ASIC2: variants seen among roughly 807,000 people sequenced by gnomAD.
The protein encoded by ASIC2 is acid-sensing ion channel 2.
In ASIC2, 25 loss-of-function variants were observed where a neutral mutation model predicts 57.3. The observed-to-expected ratio is 0.44, with a 90% confidence interval of 0.32 to 0.61. The LOEUF is 0.61. Among genes scored for constraint, ASIC2 ranks in the 20% least tolerant of loss-of-function variants. ASIC2 has a pLI of 0.06. For missense variants in ASIC2, 641 were observed against 738.1 expected (o/e 0.87, Z 1.52); for synonymous variants, 319 against 307.5 (o/e 1.04, Z -0.39).
At chr17:33,949,338 C>T (rs1436915380) in intron 1 of ASIC2, among the ~76,000 whole-genome samples, 10 of 152,162 alleles carry the variant, frequency 6.6e-5, no homozygotes, top group Non-Finnish European at 1.2e-4. Flanking sequence ...CCTAGCTGTT[C>T]GCTGGCCATA....
chr17:33,511,045 G>A (rs896715575), intron 1 of ASIC2, among the ~76,000 whole-genome samples: 1 of 152,142 alleles, frequency 6.6e-6, no homozygotes, highest in Non-Finnish European at 1.5e-5. Context: ...TTAGTGTAGC[G>A]AACATGCTTT....
At chr17:33,830,802 T>C (rs559550846) in intron 1 of ASIC2, among the ~76,000 whole-genome samples, 3 of 151,670 alleles carry the variant, frequency 2.0e-5, no homozygotes, top group East Asian at 3.9e-4. Context: ...CTTATGGGAG[T>C]TATATTTACA....
At chr17:33,390,753 C>T (rs1473923491) in intron 1 of ASIC2, among the ~76,000 whole-genome samples, 7 of 152,214 alleles carry the variant, frequency 4.6e-5, no homozygotes, top group African/African-American at 1.2e-4. Flanking sequence ...TGCGTCAGAG[C>T]GCACGGGACA....
chr17:33,305,388 A>G lies in ASIC2; in HGVS notation c.556-193321T>C, dbSNP rs1207517702. Reference sequence around the variant, plus strand: ...CATGGAGCCTACTTACTCTTACTTTATGCACGATCATGATAACATGCTTGG... The same window carrying G: ...CATGGAGCCTACTTACTCTTACTTTGTGCACGATCATGATAACATGCTTGG... On this transcript the variant is annotated intron_variant, in intron 1 of 9. Coordinates refer to the ASIC2 transcript ENST00000359872. 2.0e-5 allele frequency among the ~76,000 whole-genome samples: 3 copies of G among 152,336 alleles called. No individual in the cohort carries two copies. In the East Asian group the frequency reaches 5.8e-4, roughly 29 times the overall value.
chr17:33,821,011 T>A (rs1912730282), intron 1 of ASIC2, among the ~76,000 whole-genome samples: 1 of 152,250 alleles, frequency 6.6e-6, no homozygotes, highest in Admixed American at 6.5e-5. Context: ...TGCCGGGAGT[T>A]CTGCATTGGG....
chr17:34,099,134 GAGAGAGAGAGAC>G (rs1458125161), intron 1 of ASIC2, among the ~76,000 whole-genome samples: 85 of 26,004 alleles, frequency 3.3e-3, no homozygotes, highest in African/African-American at 7.6e-3. Flanking sequence ...GAGAGAGAGA[GAGAGAGAGAGAC>G]AGAGAGAGAG....
intron 1 of ASIC2, among the ~76,000 whole-genome samples, chr17:33,785,789 G>A (rs1273541459): frequency 6.6e-6 from 1 of 152,128 alleles, no homozygotes; most frequent in Non-Finnish European, 1.5e-5. Flanking sequence ...AAATTGCAGG[G>A]GCCAGAGAGA....
intron 1 of ASIC2, among the ~76,000 whole-genome samples, chr17:33,701,930 T>A (rs1908713785): frequency 6.6e-6 from 1 of 152,224 alleles, no homozygotes; most frequent in Admixed American, 6.5e-5. Context: ...ATGGACAATT[T>A]GTCTAAGTGA....
intron 1 of ASIC2, among the ~76,000 whole-genome samples, chr17:33,917,140 C>T: frequency 6.6e-6 from 1 of 152,180 alleles, no homozygotes; most frequent in East Asian, 1.9e-4. Flanking sequence ...GTTCTTCTTC[C>T]TCCCCACAAA....
At chr17:33,853,872 G>C (rs1430160616) in intron 1 of ASIC2, among the ~76,000 whole-genome samples, 1 of 152,166 alleles carries the variant, frequency 6.6e-6, no homozygotes, top group Non-Finnish European at 1.5e-5. Context: ...TGTACCAACA[G>C]GTAGACGCTT....
At chr17:33,832,213 C>G (rs1053955612) in intron 1 of ASIC2, among the ~76,000 whole-genome samples, 2 of 152,142 alleles carry the variant, frequency 1.3e-5, no homozygotes, top group African/African-American at 4.8e-5. Context: ...TAAGTGTTGG[C>G]CTAGATAGAC....
At chr17:33,307,958 G>T (rs375634943) in intron 1 of ASIC2, among the ~76,000 whole-genome samples, 1 of 152,160 alleles carries the variant, frequency 6.6e-6, no homozygotes, top group Non-Finnish European at 1.5e-5. Flanking sequence ...ATTGTGCAAC[G>T]GTTGTTAGCT....
intron 1 of ASIC2, among the ~76,000 whole-genome samples, chr17:33,905,599 T>C (rs1206418576): frequency 6.6e-6 from 1 of 152,128 alleles, no homozygotes; most frequent in African/African-American, 2.4e-5. Context: ...GAGAGTAAAA[T>C]GCTAATATGG....
intron 1 of ASIC2, among the ~76,000 whole-genome samples, chr17:33,463,909 G>A (rs910577555): frequency 1.3e-5 from 2 of 152,206 alleles, no homozygotes; most frequent in African/African-American, 4.8e-5. Context: ...CTGGCACATA[G>A]GAGGGGCTTG....
chr17:33,802,369 C>T (rs1319869123), intron 1 of ASIC2, among the ~76,000 whole-genome samples: 2 of 152,150 alleles, frequency 1.3e-5, no homozygotes, highest in East Asian at 1.9e-4. Flanking sequence ...GTGATGAAAT[C>T]GCCCAATGAT....
intron 1 of ASIC2, among the ~76,000 whole-genome samples, chr17:33,826,168 A>G (rs1174819191): frequency 6.6e-6 from 1 of 152,238 alleles, no homozygotes; most frequent in African/African-American, 2.4e-5. Flanking sequence ...GATGGATACA[A>G]TACAGTTTCA....
At chr17:33,934,405 C>T (rs1400043911) in intron 1 of ASIC2, among the ~76,000 whole-genome samples, 1 of 152,122 alleles carries the variant, frequency 6.6e-6, no homozygotes, top group African/African-American at 2.4e-5. Flanking sequence ...TGATGCCACA[C>T]CTTGAGGATA....
intron 1 of ASIC2, among the ~76,000 whole-genome samples, chr17:33,528,793 T>G (rs1254573798): frequency 1.3e-5 from 2 of 152,248 alleles, no homozygotes; most frequent in Non-Finnish European, 2.9e-5. Context: ...GCTTTTCCCC[T>G]GTGCCTTCAG....
At chr17:33,682,060 CTTTTTTTTT>C (rs58085265) in intron 1 of ASIC2, among the ~76,000 whole-genome samples, 2 of 122,806 alleles carry the variant, frequency 1.6e-5, no homozygotes, top group Non-Finnish European at 3.3e-5. Context: ...TCAGTGACAT[CTTTTTTTTT>C]TTTTTTTTGA....
Sources: gnomAD v4.1 joint callset for allele counts (sites outside exome capture counted in the v4.1 genomes callset) on GRCh38, gnomAD v4.1.1 for gene constraint, MANE v1.5 for transcripts, NCBI Gene and HGNC (gene_info 2026-07-23, HGNC 2026-07-21) for gene names.